Variants in LSAMP observed in about 807,000 individuals in gnomAD.
LSAMP encodes the protein limbic system-associated membrane protein.
In LSAMP, 7 loss-of-function variants were observed where a neutral mutation model predicts 38.6. The ratio of observed to expected loss-of-function variants is 0.18; its 90% CI spans 0.10 to 0.34. The LOEUF is 0.34. LSAMP is among the 10% of genes least tolerant of loss of function. LSAMP has a pLI of 1.00. For missense variants in LSAMP, 313 were observed against 420.0 expected, an observed-to-expected ratio of 0.75 and a Z score of 2.23; for synonymous variants, 154 against 166.8, an observed-to-expected ratio of 0.92 and a Z score of 0.59.
intron 3 of LSAMP, among the ~76,000 whole-genome samples, chr3:115,865,168 A>G (rs1192858655): frequency 2.0e-5 from 3 of 152,212 alleles, no homozygotes; most frequent in African/African-American, 7.2e-5. Context: ...CAGTTTATTC[A>G]AGTCTTTGGA....
At chr3:116,150,784 A>C (rs959008047) in intron 1 of LSAMP, among the ~76,000 whole-genome samples, 2 of 152,082 alleles carry the variant, frequency 1.3e-5, no homozygotes, top group African/African-American at 4.8e-5. Context: ...GCAAGTTTTA[A>C]AACAGTAAAT....
intron 1 of LSAMP, among the ~76,000 whole-genome samples, chr3:116,090,096 C>T (rs1426777381): frequency 1.3e-5 from 2 of 150,900 alleles, no homozygotes; most frequent in African/African-American, 4.9e-5. Context: ...TGCCTGTAAT[C>T]CCAGCTCTTT....
chr3:116,029,357 T>C (rs191527294), intron 2 of LSAMP, among the ~76,000 whole-genome samples: 2 of 152,256 alleles, frequency 1.3e-5, no homozygotes, highest in East Asian at 3.9e-4. Context: ...ACAAATTTCA[T>C]GGGAAAGTAG....
intron 3 of LSAMP, among the ~76,000 whole-genome samples, chr3:115,893,557 A>T (rs973489244): frequency 1.3e-5 from 2 of 152,146 alleles, no homozygotes; most frequent in African/African-American, 4.8e-5. Context: ...ACCTTTTAAA[A>T]CTATCAATTT....
At chr3:116,101,811 T>G (rs1415539921) in intron 1 of LSAMP, among the ~76,000 whole-genome samples, 1 of 152,182 alleles carries the variant, frequency 6.6e-6, no homozygotes, top group African/African-American at 2.4e-5. Context: ...TGATGCCCTT[T>G]CTGTATTTGG....
At chr3:116,081,189 C>G (rs146604770) in intron 2 of LSAMP, among the ~76,000 whole-genome samples, 1 of 152,112 alleles carries the variant, frequency 6.6e-6, no homozygotes, top group Non-Finnish European at 1.5e-5. Flanking sequence ...TGGGGGCCGG[C>G]GAGGTGGCTC....
At chr3:115,929,172 C>T (rs1937540055) in intron 3 of LSAMP, among the ~76,000 whole-genome samples, 1 of 151,396 alleles carries the variant, frequency 6.6e-6, no homozygotes, top group Non-Finnish European at 1.5e-5. Context: ...ATTAACTCTG[C>T]AATGAAGAGT....
chr3:115,823,735 T>C (rs1435528975), intron 6 of LSAMP, among the ~76,000 whole-genome samples: 1 of 152,194 alleles, frequency 6.6e-6, no homozygotes, highest in African/African-American at 2.4e-5. Flanking sequence ...GGAGAATAAA[T>C]TTTTTCTCCA....
Position 116,445,361 on chromosome 3 carries a change from A to C in LSAMP, c.-330T>G, listed in dbSNP as rs958792503. The C allele has an allele frequency of 1.2e-5, 6 of 485,990 alleles. No homozygotes were observed. The highest frequency in any genetic ancestry group is 1.2e-4 in the African/African-American group (6 of 50,410). The allele number at this position is 485,990 out of a possible 1,614,324, so 30.1% of individuals were successfully genotyped here. On this transcript the variant is annotated 5_prime_UTR_variant, in exon 1 of 7. Coordinates refer to ENST00000490035, the MANE Select transcript of LSAMP (RefSeq NM_002338.5). ...TCTTGTTTGGTCTCTCTGTGACTGGATGCTCCTCTGCCAGTGTCTGAGCTG... is the reference window on the plus strand; with the variant it reads ...TCTTGTTTGGTCTCTCTGTGACTGGCTGCTCCTCTGCCAGTGTCTGAGCTG...
Position 116,232,175 on chromosome 3 carries a change from C to T in LSAMP, c.156-145619G>A, listed in dbSNP as rs531792557. On this transcript the variant is annotated intron_variant, in intron 1 of 6. Transcript: ENST00000490035. ...CTCTGCATGGGTTTTAATGGTAGTA[C>T]AAGAAGAGAGGCTGGAGAGCCTCCA... Among the ~76,000 whole-genome samples, 16 of 152,228 alleles carry T rather than the reference C, an allele frequency of 1.1e-4. No homozygotes were observed. In the South Asian group the frequency reaches 2.3e-3, roughly 22 times the overall value.
intron 3 of LSAMP, among the ~76,000 whole-genome samples, chr3:115,998,298 T>G (rs1939886673): frequency 1.3e-5 from 2 of 152,066 alleles, no homozygotes; most frequent in Admixed American, 1.3e-4. Context: ...AAATATGATC[T>G]GATTTATGTT....
intron 3 of LSAMP, among the ~76,000 whole-genome samples, chr3:115,862,993 GC>G (rs1207130780): frequency 6.6e-6 from 1 of 152,174 alleles, no homozygotes; most frequent in African/African-American, 2.4e-5. Flanking sequence ...CTCCTAGAAG[GC>G]TATGAGGCCA....
At chr3:116,176,949 C>CT (rs35270421) in intron 1 of LSAMP, among the ~76,000 whole-genome samples, 1 of 151,522 alleles carries the variant, frequency 6.6e-6, no homozygotes, top group Admixed American at 6.6e-5. Flanking sequence ...GTTAATTTCA[C>CT]TTTTTTTTTG....
Position 115,812,074 on chromosome 3 carries a change from A to G in LSAMP, c.920-1660T>C, listed in dbSNP as rs369659094. On this transcript the variant is annotated intron_variant, in intron 6 of 6. Coordinates refer to ENST00000490035, the MANE Select transcript of LSAMP (RefSeq NM_002338.5). Reference sequence around the variant, plus strand: ...TTTGATTAAAATGGTCAGCACAAACAAAAACAAGGAGACAACTACTATCAT... The same window carrying G: ...TTTGATTAAAATGGTCAGCACAAACGAAAACAAGGAGACAACTACTATCAT... 3.3e-5 allele frequency among the ~76,000 whole-genome samples: 5 copies of G among 152,374 alleles called. No individual in the cohort carries two copies. In the South Asian group the frequency reaches 6.2e-4, roughly 19 times the overall value.
Position 115,830,248 on chromosome 3 carries a change from A to T in LSAMP, c.919+11597T>A, listed in dbSNP as rs527551462. On this transcript the variant is annotated intron_variant, in intron 6 of 6. Transcript: ENST00000490035. ...TCATATAAATCTGTGTGAGTTGGGC[A>T]TACATCTCACTGTGCTAAGCATATT... is the stretch of plus-strand genomic sequence containing the variant. 2.0e-5 allele frequency among the ~76,000 whole-genome samples: 3 copies of T among 152,366 alleles called. No individual in the cohort carries two copies. In the South Asian group the frequency reaches 6.2e-4, roughly 32 times the overall value.
At chr3:116,401,574 T>A (rs980228615) in intron 1 of LSAMP, among the ~76,000 whole-genome samples, 9 of 152,176 alleles carry the variant, frequency 5.9e-5, no homozygotes, top group Non-Finnish European at 1.2e-4. Flanking sequence ...GAGCCACTGC[T>A]CCTGGCTGTC....
intron 1 of LSAMP, among the ~76,000 whole-genome samples, chr3:116,309,215 C>T (rs891210104): frequency 6.6e-6 from 1 of 152,046 alleles, no homozygotes; most frequent in African/African-American, 2.4e-5. Context: ...TTGACAGCAT[C>T]CTTCTTCCCA....
intron 1 of LSAMP, among the ~76,000 whole-genome samples, chr3:116,393,036 ATCT>A (rs1576187885): frequency 6.6e-6 from 1 of 152,116 alleles, no homozygotes; most frequent in Non-Finnish European, 1.5e-5. Flanking sequence ...TGCTCAATAA[ATCT>A]TCTCTTCATC....
chr3:116,376,835 C>A (rs1344169174), intron 1 of LSAMP, among the ~76,000 whole-genome samples: 2 of 152,014 alleles, frequency 1.3e-5, no homozygotes, highest in Non-Finnish European at 2.9e-5. Flanking sequence ...AAATCAGAAT[C>A]TTGTTCAATA....
Sources: gnomAD v4.1 joint callset for allele counts (sites outside exome capture counted in the v4.1 genomes callset) on GRCh38, gnomAD v4.1.1 for gene constraint, MANE v1.5 for transcripts, NCBI Gene and HGNC (gene_info 2026-07-23, HGNC 2026-07-21) for gene names.